ANKRD46: variants seen among roughly 807,000 people sequenced by gnomAD.
The protein encoded by ANKRD46 is ankyrin repeat domain 46, also known as ankyrin repeat domain-containing protein 46.
In ANKRD46, 13 loss-of-function variants were observed where a neutral mutation model predicts 19.8. That is an observed-to-expected ratio of 0.66 (90% confidence interval 0.43 to 1.04). The LOEUF is 1.04. Ranked by LOEUF, ANKRD46 falls within the 50% of genes least tolerant of loss-of-function variation. ANKRD46 has a pLI of 0.00. For synonymous variants in ANKRD46, 91 were observed against 106.9 expected, an observed-to-expected ratio of 0.85 and a Z score of 0.92; for missense variants, 185 against 274.8, an observed-to-expected ratio of 0.67 and a Z score of 2.31.
chr8:100,551,777 C>T, intron 1 of ANKRD46: 2 of 460,290 alleles, frequency 4.3e-6, no homozygotes, highest in Non-Finnish European at 8.1e-6. Context: ...AGCCAGCACC[C>T]ATACCCACCT....
rs1466368735 is a variant in ANKRD46 at position 100,534,211 on chromosome 8, G to A, written c.-130-900C>T. 6.6e-6 allele frequency among the ~76,000 whole-genome samples: 1 copy of A among 152,120 alleles called. No individual in the cohort carries two copies. Among genetic ancestry groups the A allele is most frequent in the Non-Finnish European group, 1.5e-5 (1 of 68,012 alleles). On this transcript the variant is annotated intron_variant, in intron 1 of 4. Coordinates refer to ENST00000335659, the MANE Select transcript of ANKRD46 (RefSeq NM_001270377.2). The surrounding 1 kb of genome is among the most constrained non-coding windows in gnomAD (Gnocchi z 4.2). ...AAATCCCTGTGAACAAATTTATATA[G>A]GGAAATAATTAATGGTATTTTACAA...
At chr8:100,558,362 C>T (rs1356403378) in intron 1 of ANKRD46, among the ~76,000 whole-genome samples, 1 of 152,118 alleles carries the variant, frequency 6.6e-6, no homozygotes, top group African/African-American at 2.4e-5. Context: ...TCTGGTACTG[C>T]TACCATAATA....
intron 1 of ANKRD46, among the ~76,000 whole-genome samples, chr8:100,540,035 T>C (rs1812144621): frequency 2.0e-5 from 3 of 152,246 alleles, no homozygotes; most frequent in Admixed American, 2.0e-4. Context: ...GGTATTACTA[T>C]GCAAATAATT....
intron 4 of ANKRD46, among the ~76,000 whole-genome samples, chr8:100,526,761 A>C (rs1811850958): frequency 6.6e-6 from 1 of 152,236 alleles, no homozygotes; most frequent in Non-Finnish European, 1.5e-5. Context: ...ATGGGTACAA[A>C]GGAATCAAAT....
intron 1 of ANKRD46, among the ~76,000 whole-genome samples, chr8:100,541,782 C>T (rs1020877028): frequency 1.3e-5 from 2 of 152,168 alleles, no homozygotes; most frequent in Non-Finnish European, 2.9e-5. Flanking sequence ...TGGTCAACGA[C>T]GGACTGCATA....
rs1210142335 is a variant in ANKRD46, at chr8:100,537,529, T to C, written c.-130-4218A>G. ...TATCACTTGCTTATTCTTATCCTTT[T>C]AAGAGGATACAGCTGTTTCAAAATA... On this transcript the variant is annotated intron_variant, in intron 1 of 4. Transcript: ENST00000335659. The surrounding 1 kb of genome is among the most constrained non-coding windows in gnomAD (Gnocchi z 4.2). Among the ~76,000 whole-genome samples, 1 of 152,228 alleles carries C rather than the reference T, an allele frequency of 6.6e-6. No individual in the cohort carries two copies. Among genetic ancestry groups the C allele is most frequent in the Non-Finnish European group, 1.5e-5 (1 of 68,040 alleles).
rs1245956117 is a variant in ANKRD46 at position 100,550,765 on chromosome 8, A to G, written c.-131+8946T>C. ...ATATGGGCCACCACCCTGTTGCTGTAGCCAAATTCACTGTTGTACGAGGAA... is the reference window on the plus strand; with the variant it reads ...ATATGGGCCACCACCCTGTTGCTGTGGCCAAATTCACTGTTGTACGAGGAA... On this transcript the variant is annotated intron_variant, in intron 1 of 4. Transcript: ENST00000335659. The surrounding 1 kb of genome is among the most constrained non-coding windows in gnomAD (Gnocchi z 4.4). 8.9e-6 allele frequency: 4 copies of G among 449,140 alleles called. No individual in the cohort carries two copies. The highest frequency in any genetic ancestry group is 6.0e-5 in the African/African-American group (3 of 49,988). The allele number at this position is 449,140 out of a possible 1,614,324, so 27.8% of individuals were successfully genotyped here. A position where few individuals can be genotyped will look rare whatever the true frequency, so the allele number is the denominator to read the frequency against.
In ANKRD46 at chr8:100,527,109, CCT is replaced by C. The variant is rs1563927080; in HGVS notation, c.470+734_470+735del. On this transcript the variant is annotated intron_variant, in intron 4 of 4. Coordinates refer to ENST00000335659, the MANE Select transcript of ANKRD46 (RefSeq NM_001270377.2). This position sits in a 1 kb window ranked among gnomAD's most constrained non-coding sequence, Gnocchi z 4.0. Reference sequence around the variant, plus strand: ...CATCAGGAGAAAAGATGGTGCGCCACCTTTTTGGAGCTCTCTGAACTGCATTC... The same window carrying C: ...CATCAGGAGAAAAGATGGTGCGCCACTTTTGGAGCTCTCTGAACTGCATTC... Among the ~76,000 whole-genome samples, 1 of 152,182 alleles carries C rather than the reference CCT, an allele frequency of 6.6e-6. No individual in the cohort carries two copies. The highest frequency in any genetic ancestry group is 1.5e-5 in the Non-Finnish European group (1 of 68,018).
downstream of ANKRD46, among the ~76,000 whole-genome samples, chr8:100,518,860 A>T (rs6996903): frequency 0.29 from 36,364 of 126,866 alleles, 5,659 homozygotes; most frequent in Middle Eastern, 0.44. Context: ...TCAAAAAAAA[A>T]AAATAAATAA....
chr8:100,556,780 AC>A (rs1812509040), intron 1 of ANKRD46: 1 of 152,206 alleles, frequency 6.6e-6, no homozygotes. Context: ...ACAGTTGGTC[AC>A]TTTCTCCCTG....
In ANKRD46 at chr8:100,532,362, G is replaced by T. The variant is rs544443732; in HGVS notation, c.-28+847C>A. On this transcript the variant is annotated intron_variant, in intron 2 of 4. Coordinates refer to ENST00000335659, the MANE Select transcript of ANKRD46 (RefSeq NM_001270377.2). The surrounding 1 kb of genome is among the most constrained non-coding windows in gnomAD (Gnocchi z 4.7). ...CGCGCGCCTTTCGTCCCACCTGTTCGGGACGCTGAGGTGAGAGGATCACTT... is the reference window on the plus strand; with the variant it reads ...CGCGCGCCTTTCGTCCCACCTGTTCTGGACGCTGAGGTGAGAGGATCACTT... 1 of 152,086 alleles carries T rather than the reference G, an allele frequency of 6.6e-6. No homozygotes were observed. Among genetic ancestry groups the T allele is most frequent in the South Asian group, 2.1e-4 (1 of 4,810 alleles). The allele number at this position is 152,086 out of a possible 1,614,324, so 9.4% of individuals were successfully genotyped here.
At chr8:100,548,838 CAA>C (rs1812323485) in intron 1 of ANKRD46, among the ~76,000 whole-genome samples, 1 of 152,014 alleles carries the variant, frequency 6.6e-6, no homozygotes, top group African/African-American at 2.4e-5. Context: ...AAAAAGAAAT[CAA>C]ATCACGTTCA....
intron 1 of ANKRD46, among the ~76,000 whole-genome samples, chr8:100,541,700 C>T (rs1317484655): frequency 6.6e-6 from 1 of 152,208 alleles, no homozygotes; most frequent in Non-Finnish European, 1.5e-5. Context: ...CGCTCATCCC[C>T]ACACGTTCTA....
downstream of ANKRD46, among the ~76,000 whole-genome samples, chr8:100,518,357 C>T (rs770115939): frequency 6.6e-6 from 1 of 151,984 alleles, no homozygotes; most frequent in Non-Finnish European, 1.5e-5. Flanking sequence ...ATGCTCAGGC[C>T]CAGCTACATT....
chr8:100,528,517 CTTTT>C (rs775087189), intron 3 of ANKRD46, among the ~76,000 whole-genome samples: 11 of 126,368 alleles, frequency 8.7e-5, no homozygotes, highest in Non-Finnish European at 8.6e-5. Flanking sequence ...CCTTGTTTTT[CTTTT>C]TTTTTTTTTT....
rs370605428 is a variant in ANKRD46 at position 100,529,773 on chromosome 8, T to C, written c.61A>G (p.Ile21Val). The C allele has an allele frequency of 3.8e-5, 61 of 1,614,112 alleles. No individual in the cohort carries two copies. The highest frequency in any genetic ancestry group is 4.8e-5 in the Non-Finnish European group (57 of 1,180,054). ...QTNVPLLQAC[I>V]DGDFNYSKRL... ...TTGGAATAATTAAAGTCCCCATCAA[T>C]ACAGGCTTGCAGCAAGGGCACGTTA... Residue 21 changes from isoleucine to valine, a missense_variant, in exon 3 of 5, where the codon ATT (isoleucine) becomes GTT (valine). Ile to Val is a conservative substitution (Grantham distance 29, BLOSUM62 3). Coordinates refer to ENST00000335659, the MANE Select transcript of ANKRD46 (RefSeq NM_001270377.2). This position sits in a 1 kb window ranked among gnomAD's most constrained non-coding sequence, Gnocchi z 5.8.
chr8:100,528,400 T>C (rs1054231099), intron 3 of ANKRD46, among the ~76,000 whole-genome samples: 3 of 152,168 alleles, frequency 2.0e-5, no homozygotes, highest in African/African-American at 7.2e-5. Context: ...AGAAAGTGTT[T>C]ATGAAGAACA....
At chr8:100,535,575 C>T (rs1258650559) in intron 1 of ANKRD46, among the ~76,000 whole-genome samples, 1 of 152,186 alleles carries the variant, frequency 6.6e-6, no homozygotes, top group African/African-American at 2.4e-5. Context: ...CTCTCCTTAA[C>T]ACCTAGAAAA....
chr8:100,516,029 T>G (rs1333793602), downstream of ANKRD46, among the ~76,000 whole-genome samples: 1 of 152,142 alleles, frequency 6.6e-6, no homozygotes, highest in Non-Finnish European at 1.5e-5. Context: ...TGCGCCACCA[T>G]GCCCAGCTAA....
Sources: allele counts gnomAD v4.1 joint callset (sites outside exome capture counted in the v4.1 genomes callset), GRCh38; gene constraint gnomAD v4.1.1; non-coding constraint Gnocchi (gnomAD v3.1); transcripts MANE v1.5; gene names NCBI Gene and HGNC (gene_info 2026-07-23, HGNC 2026-07-21).